The following SPMIP3 variants were observed in gnomAD, a reference collection of about 807,000 sequenced individuals.
The protein encoded by SPMIP3 is sperm microtubule inner protein 3.
At chr1:244,361,458 A>G in the SPMIP3 span, among the ~76,000 whole-genome samples, 45,924 of 151,696 alleles carry the variant, frequency 0.3, 7,547 homozygotes, top group East Asian at 0.52. Context: ...CAAACTCCAG[A>G]CCTCAAGTCA....
chr1:244,365,007 AC>A, the SPMIP3 span, among the ~76,000 whole-genome samples: 1 of 152,258 alleles, frequency 6.6e-6, no homozygotes, highest in Non-Finnish European at 1.5e-5. Context: ...ACAGGGACTT[AC>A]GAACAGAAGC....
chr1:244,367,575 C>T, the SPMIP3 span, among the ~76,000 whole-genome samples: 10 of 152,104 alleles, frequency 6.6e-5, no homozygotes, highest in Admixed American at 6.5e-5. Context: ...CAGGAAGAGC[C>T]GGAGCCGTCA....
chr1:244,378,364 T>C, the SPMIP3 span: 1 of 1,198,408 alleles, frequency 8.3e-7, no homozygotes, highest in Non-Finnish European at 1.2e-6. Context: ...CAATACTCTC[T>C]GTTAGCCTCA....
the SPMIP3 span, among the ~76,000 whole-genome samples, chr1:244,378,919 T>TATTTA: frequency 1.3e-5 from 2 of 151,698 alleles, no homozygotes; most frequent in South Asian, 2.1e-4. Flanking sequence ...TTCTTTTATC[T>TATTTA]TTTATTTATT....
chr1:244,382,184 T>C, the SPMIP3 span, among the ~76,000 whole-genome samples: 2 of 151,476 alleles, frequency 1.3e-5, no homozygotes, highest in Non-Finnish European at 2.9e-5. Context: ...GGGCTGACAT[T>C]CTGGTGGGGG....
At chr1:244,363,141 C>T in the SPMIP3 span, among the ~76,000 whole-genome samples, 1 of 152,028 alleles carries the variant, frequency 6.6e-6, no homozygotes, top group Non-Finnish European at 1.5e-5. Context: ...TACGGTGGCT[C>T]ATGCCTGTAA....
chr1:244,381,836 CAGG>C, the SPMIP3 span, among the ~76,000 whole-genome samples: 2 of 152,190 alleles, frequency 1.3e-5, no homozygotes, highest in African/African-American at 4.8e-5. Context: ...GAGGCTGAGG[CAGG>C]AGAATTGCTT....
chr1:244,382,731 A>T, the SPMIP3 span, among the ~76,000 whole-genome samples: 1 of 151,058 alleles, frequency 6.6e-6, no homozygotes, highest in Non-Finnish European at 1.5e-5. Context: ...AGCCTCCCAA[A>T]TAGCTGGGAC....
the SPMIP3 span, among the ~76,000 whole-genome samples, chr1:244,359,101 C>T: frequency 6.8e-6 from 1 of 147,454 alleles, no homozygotes; most frequent in Non-Finnish European, 1.5e-5. Flanking sequence ...TTATTGCAAA[C>T]TACACTTCCT....
At chr1:244,385,537 C>A in the SPMIP3 span, among the ~76,000 whole-genome samples, 551 of 152,252 alleles carry the variant, frequency 3.6e-3, 6 homozygotes, top group African/African-American at 0.013. Flanking sequence ...TCAAATAACT[C>A]ATTTTTCCAA....
the SPMIP3 span, among the ~76,000 whole-genome samples, chr1:244,384,492 C>CCGTGCCCAGCCTAGGCCAGTGTTTGAT: frequency 6.6e-6 from 1 of 152,192 alleles, no homozygotes; most frequent in Non-Finnish European, 1.5e-5. Flanking sequence ...ACATGAGCCA[C>CCGTGCCCAGCCTAGGCCAGTGTTTGAT]CACACCTGGC....
At chr1:244,366,324 G>T in the SPMIP3 span, among the ~76,000 whole-genome samples, 2 of 152,048 alleles carry the variant, frequency 1.3e-5, no homozygotes, top group Middle Eastern at 3.2e-3. Flanking sequence ...GCTACAAGCT[G>T]CCTGGCTAAT....
the SPMIP3 span, among the ~76,000 whole-genome samples, chr1:244,354,459 G>A: frequency 1.3e-5 from 2 of 149,262 alleles, no homozygotes; most frequent in South Asian, 2.1e-4. Flanking sequence ...TGGTTCAAAC[G>A]ATTCTCCTGC....
chr1:244,375,629 G>GTT, the SPMIP3 span: 945 of 354,262 alleles, frequency 2.7e-3, no homozygotes, highest in South Asian at 4.0e-3. Flanking sequence ...AACTGTTAAT[G>GTT]TTTTTTTTTT....
the SPMIP3 span, among the ~76,000 whole-genome samples, chr1:244,381,122 G>T: frequency 1.3e-5 from 2 of 152,012 alleles, no homozygotes; most frequent in East Asian, 1.9e-4. Context: ...GGAAGCTGGG[G>T]ATTAGCTTGA....
chr1:244,356,894 C>G, the SPMIP3 span, among the ~76,000 whole-genome samples: 3 of 150,616 alleles, frequency 2.0e-5, no homozygotes, highest in East Asian at 5.8e-4. Context: ...ACAACCCTTC[C>G]CTTTCTTCTT....
At chr1:244,356,094 C>G in the SPMIP3 span, among the ~76,000 whole-genome samples, 6 of 152,170 alleles carry the variant, frequency 3.9e-5, no homozygotes, top group Non-Finnish European at 7.3e-5. Context: ...TCATTTGCAG[C>G]TAAGGACATC....
chr1:244,364,832 T>A, the SPMIP3 span: 4 of 1,412,560 alleles, frequency 2.8e-6, no homozygotes, highest in Non-Finnish European at 2.0e-6. Context: ...GAATTGCACA[T>A]CCTGCTGCTC....
the SPMIP3 span, among the ~76,000 whole-genome samples, chr1:244,380,364 C>T: frequency 6.6e-6 from 1 of 152,114 alleles, no homozygotes; most frequent in Non-Finnish European, 1.5e-5. Flanking sequence ...AAGTGATCCA[C>T]CCACCTTGGC....
Sources: allele counts gnomAD v4.1 joint callset (sites outside exome capture counted in the v4.1 genomes callset), GRCh38; gene constraint gnomAD v4.1.1; transcripts MANE v1.5; gene names NCBI Gene and HGNC (gene_info 2026-07-23, HGNC 2026-07-21).